The following PLXDC2 variants were observed in gnomAD, a reference collection of about 807,000 sequenced individuals.
PLXDC2 encodes the protein plexin domain containing 2, also known as plexin domain-containing protein 2.
PLXDC2 carries 40 observed loss-of-function variants against 68.9 expected under a neutral mutation model. That is an observed-to-expected ratio of 0.58 (90% CI 0.45 to 0.76). The LOEUF is 0.76. PLXDC2 is among the 30% of genes least tolerant of loss of function. PLXDC2 has a pLI of 0.00. For missense variants in PLXDC2, 644 were observed against 661.9 expected, an observed-to-expected ratio of 0.97 and a Z score of 0.30; for synonymous variants, 243 against 234.2, an observed-to-expected ratio of 1.04 and a Z score of -0.34.
intron 1 of PLXDC2, among the ~76,000 whole-genome samples, chr10:19,837,407 AGAGT>A (rs67212433): frequency 0.35 from 29,835 of 85,364 alleles, 2,019 homozygotes; most frequent in East Asian, 0.42. Context: ...AGAGAGAGAG[AGAGT>A]GTGTGTGTGT....
Position 20,285,833 on chromosome 10 carries a change from G to A in PLXDC2, c.*6014G>A, listed in dbSNP as rs751179051. ...CCATCCCAGACATAAGACAATCAGG[G>A]AAATCAGAAAACTCCAGCCTCAAAT... On this transcript the variant is annotated 3_prime_UTR_variant, in exon 14 of 14. Coordinates refer to ENST00000377252, the MANE Select transcript of PLXDC2 (RefSeq NM_032812.9). 12 of 152,100 alleles carry A rather than the reference G, an allele frequency of 7.9e-5. No homozygotes were observed. The highest frequency in any genetic ancestry group is 1.3e-4 in the Non-Finnish European group (9 of 68,000). The allele number at this position is 152,100 out of a possible 1,614,324, so 9.4% of individuals were successfully genotyped here. A position where few individuals can be genotyped will look rare whatever the true frequency, so the allele number is the denominator to read the frequency against.
intron 1 of PLXDC2, among the ~76,000 whole-genome samples, chr10:19,854,896 G>A (rs1432901878): frequency 1.3e-5 from 2 of 152,198 alleles, no homozygotes; most frequent in Non-Finnish European, 2.9e-5. Flanking sequence ...AGAAAAATGT[G>A]TTATATTGGA....
intron 1 of PLXDC2, among the ~76,000 whole-genome samples, chr10:19,891,867 A>T (rs1837969853): frequency 2.6e-5 from 4 of 152,242 alleles, no homozygotes; most frequent in Non-Finnish European, 5.9e-5. Context: ...TCTTTGATTG[A>T]AAAAATTGGA....
intron 1 of PLXDC2, among the ~76,000 whole-genome samples, chr10:19,994,500 C>G (rs1395453644): frequency 6.6e-6 from 1 of 150,642 alleles, no homozygotes; most frequent in Admixed American, 6.6e-5. Flanking sequence ...AAATGTTTCT[C>G]ACCAAAATTT....
At chr10:19,886,928 T>C (rs1837857513) in intron 1 of PLXDC2, among the ~76,000 whole-genome samples, 1 of 152,224 alleles carries the variant, frequency 6.6e-6, no homozygotes, top group African/African-American at 2.4e-5. Context: ...TATGCTATCC[T>C]AAGTCATATA....
At chr10:20,032,307 C>T (rs1835512498) in intron 2 of PLXDC2, among the ~76,000 whole-genome samples, 1 of 152,054 alleles carries the variant, frequency 6.6e-6, no homozygotes, top group Non-Finnish European at 1.5e-5. Context: ...AACAAGAAAA[C>T]CATTGTGGTT....
intron 1 of PLXDC2, among the ~76,000 whole-genome samples, chr10:19,926,086 T>C (rs1029668676): frequency 5.9e-5 from 9 of 152,288 alleles, no homozygotes; most frequent in African/African-American, 2.2e-4. Flanking sequence ...ACAAAAAATT[T>C]GGAGAGTAAA....
chr10:19,849,249 G>T lies in PLXDC2; in HGVS notation c.112+32058G>T, dbSNP rs141979608. 4.1e-3 allele frequency among the ~76,000 whole-genome samples: 623 copies of T among 152,198 alleles called. 1 individual carries two copies. Among genetic ancestry groups the T allele is most frequent in the Admixed American group, 7.3e-3 (111 of 15,282 alleles). The stretch of plus-strand genomic sequence containing the variant: ...CAAATGCATGTTTCTTTTCCATGTG[G>T]TGAATTTATTGATGTATATTATAAA... On this transcript the variant is annotated intron_variant, in intron 1 of 13. Coordinates refer to ENST00000377252, the MANE Select transcript of PLXDC2 (RefSeq NM_032812.9).
At position 19,910,708 on chromosome 10, in the gene PLXDC2, A is replaced by C. The variant is rs114358530; in HGVS notation, c.113-91067A>C. Among the ~76,000 whole-genome samples the C allele has an allele frequency of 6.0e-3, 903 of 149,784 alleles. 7 individuals carry two copies. Among genetic ancestry groups the C allele is most frequent in the African/African-American group, 0.021 (873 of 40,608 alleles). ...ATGCCTATCCCCACCAGCTGCCACT[A>C]TCTAAGAATAGCCTAGTTCAGGCCG... On this transcript the variant is annotated intron_variant, in intron 1 of 13. Transcript: ENST00000377252.
intron 1 of PLXDC2, among the ~76,000 whole-genome samples, chr10:19,965,363 A>G (rs1834230659): frequency 6.6e-6 from 1 of 152,156 alleles, no homozygotes; most frequent in African/African-American, 2.4e-5. Flanking sequence ...GCCATGGACT[A>G]TTGGCCATTT....
At chr10:20,120,175 T>G (rs1196150133) in intron 4 of PLXDC2, among the ~76,000 whole-genome samples, 1 of 151,686 alleles carries the variant, frequency 6.6e-6, no homozygotes, top group East Asian at 1.9e-4. Context: ...GATGACAAGT[T>G]TTTTGGGGGC....
At chr10:20,112,761 A>G (rs1222747622) in intron 4 of PLXDC2, among the ~76,000 whole-genome samples, 2 of 152,240 alleles carry the variant, frequency 1.3e-5, no homozygotes, top group Non-Finnish European at 2.9e-5. Context: ...TGAAAGTTGG[A>G]AAGAAAATTT....
At chr10:20,068,059 A>T in intron 3 of PLXDC2, 111 bp from the exon 4 acceptor site, 2 of 863,008 alleles carry the variant, frequency 2.3e-6, no homozygotes, top group Non-Finnish European at 3.5e-6. Flanking sequence ...GAACTACAAT[A>T]ATTATGGGGT....
At chr10:19,882,430 T>G (rs115881347) in intron 1 of PLXDC2, among the ~76,000 whole-genome samples, 1 of 152,134 alleles carries the variant, frequency 6.6e-6, no homozygotes, top group Non-Finnish European at 1.5e-5. Context: ...AATGTTTAGG[T>G]TAATAATGGA....
intron 6 of PLXDC2, among the ~76,000 whole-genome samples, chr10:20,154,500 G>A (rs1834192780): frequency 6.6e-6 from 1 of 150,834 alleles, no homozygotes; most frequent in Non-Finnish European, 1.5e-5. Context: ...GGAGGCAGAA[G>A]TTGCACTGAG....
In PLXDC2 at chr10:19,851,254, C is replaced by T. The variant is rs560829908; in HGVS notation, c.112+34063C>T. Among the ~76,000 whole-genome samples the T allele has an allele frequency of 9.2e-5, 14 of 152,248 alleles. No individual in the cohort carries two copies. The East Asian group carries it at 2.3e-3, about 25-fold the overall frequency. On this transcript the variant is annotated intron_variant, in intron 1 of 13. Coordinates refer to ENST00000377252, the MANE Select transcript of PLXDC2 (RefSeq NM_032812.9). ...AAAGTAACATAGATTAGGGCCTTTC[C>T]TATAATAACCTCTCAAGACATATTT...
intron 3 of PLXDC2, among the ~76,000 whole-genome samples, chr10:20,063,301 T>A (rs891037984): frequency 2.0e-5 from 3 of 152,196 alleles, no homozygotes; most frequent in Admixed American, 2.0e-4. Context: ...GATTATTTCT[T>A]ATAAAGCTGA....
intron 1 of PLXDC2, among the ~76,000 whole-genome samples, chr10:19,930,841 C>T (rs1833618074): frequency 6.6e-6 from 1 of 151,802 alleles, no homozygotes; most frequent in Admixed American, 6.6e-5. Flanking sequence ...CAGGTGCTTG[C>T]AATCCCAGCT....
intron 9 of PLXDC2, among the ~76,000 whole-genome samples, chr10:20,194,385 A>C (rs1834809921): frequency 6.6e-6 from 1 of 152,068 alleles, no homozygotes; most frequent in African/African-American, 2.4e-5. Context: ...GACAAGGCTG[A>C]ATTTACCATG....
Sources: gnomAD v4.1 joint callset for allele counts (sites outside exome capture counted in the v4.1 genomes callset) on GRCh38, gnomAD v4.1.1 for gene constraint, MANE v1.5 for transcripts, NCBI Gene and HGNC (gene_info 2026-07-23, HGNC 2026-07-21) for gene names.